The following NCAPG2 variants were observed in gnomAD, a reference collection of about 807,000 sequenced individuals.
NCAPG2 encodes the protein non-SMC condensin II complex subunit G2.
A neutral mutation model predicts 141.1 loss-of-function variants in NCAPG2; 53 were observed. The ratio of observed to expected loss-of-function variants is 0.38; its 90% CI spans 0.30 to 0.47. The LOEUF (loss-of-function observed/expected upper bound fraction) is 0.47, where lower values mean the gene tolerates loss of function less well. Among genes scored for constraint, NCAPG2 ranks in the 20% least tolerant of loss-of-function variants. NCAPG2 has a pLI of 0.99. For missense variants in NCAPG2, 1,087 were observed against 1,389.0 expected, an observed-to-expected ratio of 0.78 and a Z score of 3.46; for synonymous variants, 499 against 490.7, an observed-to-expected ratio of 1.02 and a Z score of -0.22.
rs1346935322 is a variant in NCAPG2, at chr7:158,667,107, G to A, written c.1480-2357C>T. On this transcript the variant is annotated intron_variant, in intron 13 of 27. Coordinates refer to ENST00000356309, the MANE Select transcript of NCAPG2 (RefSeq NM_017760.7). ...TCATTCTGTAACCTTAACTTTCAAG[G>A]GAAATTAGCTTGCATGCTCGTCACA... The A allele has an allele frequency of 1.0e-5, 10 of 979,966 alleles. No individual in the cohort carries two copies. The Admixed American group carries it at 5.5e-4, about 54-fold the overall frequency. The allele number at this position is 979,966 out of a possible 1,614,324, so 60.7% of individuals were successfully genotyped here.
intron 27 of NCAPG2, among the ~76,000 whole-genome samples, chr7:158,641,737 TAAC>T (rs1830666625): frequency 6.6e-6 from 1 of 152,178 alleles, no homozygotes; most frequent in South Asian, 2.1e-4. Context: ...TGTGTGGACC[TAAC>T]AACAGAGCAT....
intron 27 of NCAPG2, among the ~76,000 whole-genome samples, chr7:158,635,080 A>G (rs1830099228): frequency 6.6e-6 from 1 of 152,222 alleles, no homozygotes; most frequent in African/African-American, 2.4e-5. Flanking sequence ...CACAGCCACA[A>G]GAAACACAGC....
Position 158,645,842 on chromosome 7 carries a change from G to A in NCAPG2, c.3180-223C>T, listed in dbSNP as rs559972063. On this transcript the variant is annotated intron_variant, in intron 25 of 27. Coordinates refer to ENST00000356309, the MANE Select transcript of NCAPG2 (RefSeq NM_017760.7). The stretch of plus-strand genomic sequence containing the variant: ...GCTGGGAACAGGGATGCTGTGCTGA[G>A]TGAAAAAGGCTACTCTGTATACCCT... 2.5e-4 allele frequency among the ~76,000 whole-genome samples: 38 copies of A among 152,262 alleles called. No individual in the cohort carries two copies. In the South Asian group the frequency reaches 7.0e-3, roughly 28 times the overall value.
chr7:158,679,743 C>T (rs2129467450), intron 11 of NCAPG2, among the ~76,000 whole-genome samples: 1 of 152,224 alleles, frequency 6.6e-6, no homozygotes, highest in South Asian at 2.1e-4. Context: ...AATTAAATGT[C>T]CCAAAAGTAG....
At chr7:158,638,845 C>T (rs1239067364) in intron 27 of NCAPG2, among the ~76,000 whole-genome samples, 1 of 152,150 alleles carries the variant, frequency 6.6e-6, no homozygotes, top group East Asian at 1.9e-4. Flanking sequence ...CTCTAAAACA[C>T]ACACTCCTAT....
chr7:158,680,218 T>C (rs41271187), intron 10 of NCAPG2, 133 bp from the exon 11 acceptor site: 454 of 1,054,134 alleles, frequency 4.3e-4, no homozygotes, highest in Non-Finnish European at 3.7e-4. Context: ...AATTATAACG[T>C]TTAAATTGAC....
At chr7:158,645,014 T>G (rs535211308) in intron 26 of NCAPG2, among the ~76,000 whole-genome samples, 88 of 152,334 alleles carry the variant, frequency 5.8e-4, no homozygotes, top group Non-Finnish European at 1.0e-3. Context: ...GTTACTACAT[T>G]TTATACTGAG....
At chr7:158,652,155 T>C (rs1386190117) in intron 23 of NCAPG2, 138 bp downstream of exon 23, 1 of 835,536 alleles carries the variant, frequency 1.2e-6, no homozygotes, top group African/African-American at 1.7e-5. Context: ...TCAGTGCACC[T>C]CGCCAGCAGG....
At chr7:158,641,344 C>T in intron 27 of NCAPG2, 1 of 411,090 alleles carries the variant, frequency 2.4e-6, no homozygotes, top group Non-Finnish European at 4.3e-6. Context: ...GACAGATTGT[C>T]AGAGAAGATC....
chr7:158,702,650 T>C (rs930992649), intron 1 of NCAPG2, among the ~76,000 whole-genome samples: 1 of 152,224 alleles, frequency 6.6e-6, no homozygotes, highest in East Asian at 1.9e-4. Flanking sequence ...ACATTTGCAG[T>C]AGGAGCCCCC....
chr7:158,692,381 G>A (rs1359308091), intron 4 of NCAPG2, among the ~76,000 whole-genome samples: 1 of 152,198 alleles, frequency 6.6e-6, no homozygotes. Flanking sequence ...TATTCTAGCT[G>A]AAGAAAAAGA....
Position 158,664,276 on chromosome 7 carries a change from G to A in NCAPG2, c.1723C>T (p.Arg575Cys), listed in dbSNP as rs373939140. The A allele has an allele frequency of 8.7e-6, 14 of 1,612,986 alleles. No homozygotes were observed. Among genetic ancestry groups the A allele is most frequent in the Non-Finnish European group, 1.1e-5 (13 of 1,179,132 alleles). The change falls in exon 15 of 28, where the codon CGT (arginine) becomes TGT (cysteine). Residue 575 changes from arginine (R) to cysteine (C), a missense_variant. Physicochemically the swap from Arg to Cys is radical, Grantham distance 180 (BLOSUM62 -3). Coordinates refer to ENST00000356309, the MANE Select transcript of NCAPG2 (RefSeq NM_017760.7). Reference sequence around the variant, plus strand: ...TGGATACAGGCATTTAAGCAATGACGAATAACGTGAATCAGCTTTGCTGAA... The same window carrying A: ...TGGATACAGGCATTTAAGCAATGACAAATAACGTGAATCAGCTTTGCTGAA... ...TNIAKLIHVI[R>C]HCLNACIQRA...
chr7:158,678,575 G>T (rs1305270797), intron 11 of NCAPG2, among the ~76,000 whole-genome samples: 1 of 151,948 alleles, frequency 6.6e-6, no homozygotes, highest in Non-Finnish European at 1.5e-5. Context: ...TATAATCATG[G>T]TTCACTGTAG....
At chr7:158,648,859 C>T (rs371981412) in intron 24 of NCAPG2, among the ~76,000 whole-genome samples, 3 of 95,104 alleles carry the variant, frequency 3.2e-5, no homozygotes, top group Admixed American at 1.1e-4. Flanking sequence ...AAATGGACTA[C>T]AACCACGGCA....
At position 158,638,812 on chromosome 7, in the gene NCAPG2, AC is replaced by A. The variant is rs1216342759; in HGVS notation, c.3380+5476del. ...GAGGTAACACAATTAACGAACGTGA[AC>A]TGATCAGGTGGCACTCCACCTCTCT... On this transcript the variant is annotated intron_variant, in intron 27 of 27. Transcript: ENST00000356309. Among the ~76,000 whole-genome samples, 21 of 152,290 alleles carry A rather than the reference AC, an allele frequency of 1.4e-4. 1 individual carries two copies. The highest frequency in any genetic ancestry group is 4.6e-4 in the African/African-American group (19 of 41,548).
intron 2 of NCAPG2, among the ~76,000 whole-genome samples, chr7:158,697,912 GAAC>G (rs1374889083): frequency 2.0e-5 from 3 of 152,114 alleles, no homozygotes; most frequent in Non-Finnish European, 4.4e-5. Context: ...GGACACGGGG[GAAC>G]AACACACACT....
rs966115802 is a variant in NCAPG2, at chr7:158,664,968, G to C, written c.1480-218C>G. 3 of 494,068 alleles carry C rather than the reference G, an allele frequency of 6.1e-6. No individual in the cohort carries two copies. In the South Asian group the frequency reaches 8.9e-5, roughly 15 times the overall value. The allele number at this position is 494,068 out of a possible 1,614,324, so 30.6% of individuals were successfully genotyped here. A position where few individuals can be genotyped will look rare whatever the true frequency, so the allele number is the denominator to read the frequency against. The stretch of plus-strand genomic sequence containing the variant: ...AAGTACTGTTATATAAGGCACCCAA[G>C]TATTAGGGTGCTAAGAGGTTTAATT... On this transcript the variant is annotated intron_variant, in intron 13 of 27. Coordinates refer to ENST00000356309, the MANE Select transcript of NCAPG2 (RefSeq NM_017760.7).
At chr7:158,684,742 A>T (rs1834651106) in intron 8 of NCAPG2, among the ~76,000 whole-genome samples, 1 of 152,248 alleles carries the variant, frequency 6.6e-6, no homozygotes, top group African/African-American at 2.4e-5. Flanking sequence ...CTGTAGAGAC[A>T]GGGTCTCGCC....
rs767658748 is a variant in NCAPG2 at position 158,679,955 on chromosome 7, C to T, written c.1146+5G>A. 6.2e-6 allele frequency: 10 copies of T among 1,613,358 alleles called. No homozygotes were observed. Among genetic ancestry groups the T allele is most frequent in the Non-Finnish European group, 8.5e-6 (10 of 1,179,724 alleles). On this transcript the variant is annotated splice_donor_5th_base_variant and intron_variant, in intron 11 of 27. Coordinates refer to ENST00000356309, the MANE Select transcript of NCAPG2 (RefSeq NM_017760.7). ...GTAAGAAGCTTGACCACCTGAAGTA[C>T]GTACATAGAGCTCTTCAAACTGTTT...
Sources: allele counts gnomAD v4.1 joint callset (sites outside exome capture counted in the v4.1 genomes callset), GRCh38; gene constraint gnomAD v4.1.1; transcripts MANE v1.5; gene names NCBI Gene and HGNC (gene_info 2026-07-23, HGNC 2026-07-21).